Variants in CSMD1 observed in about 807,000 individuals in gnomAD.
CSMD1 encodes the protein CUB and Sushi multiple domains 1.
CSMD1 carries 213 observed loss-of-function variants against 417.5 expected under a neutral mutation model. The observed-to-expected ratio is 0.51, with a 90% CI of 0.46 to 0.57. The LOEUF is 0.57. Ranked by LOEUF, CSMD1 falls within the 20% of genes least tolerant of loss-of-function variation. The pLI is 0.00. For missense variants in CSMD1, 6,923 were observed against 4,529.7 expected, an observed-to-expected ratio of 1.53 and a Z score of -15.17; for synonymous variants, 2,862 against 1,736.8, an observed-to-expected ratio of 1.65 and a Z score of -16.11.
chr8:4,151,526 C>T lies in CSMD1; in HGVS notation c.416-119427G>A, dbSNP rs534869013. The stretch of plus-strand genomic sequence containing the variant: ...CAAATGGAAGATTTTGGTAGTGAAA[C>T]TTTATCATAGACTTATACCATAACA... On this transcript the variant is annotated intron_variant, in intron 3 of 69. Transcript: ENST00000635120. Among the ~76,000 whole-genome samples, 110 of 152,278 alleles carry T rather than the reference C, an allele frequency of 7.2e-4. 1 individual carries two copies. Among genetic ancestry groups the T allele is most frequent in the African/African-American group, 2.5e-3 (105 of 41,546 alleles).
At chr8:3,557,264 G>A (rs1236051500) in intron 10 of CSMD1, among the ~76,000 whole-genome samples, 1 of 152,174 alleles carries the variant, frequency 6.6e-6, no homozygotes, top group Non-Finnish European at 1.5e-5. Flanking sequence ...AGATTTGTGG[G>A]ATTCGTGGCT....
chr8:3,870,599 A>G (rs758111414), intron 5 of CSMD1, among the ~76,000 whole-genome samples: 2 of 152,120 alleles, frequency 1.3e-5, no homozygotes, highest in African/African-American at 2.4e-5. Flanking sequence ...TCTTTCCCCA[A>G]ACTCTTCCAA....
intron 11 of CSMD1, among the ~76,000 whole-genome samples, chr8:3,470,778 T>C (rs1303576866): frequency 6.6e-6 from 1 of 152,232 alleles, no homozygotes; most frequent in East Asian, 1.9e-4. Flanking sequence ...ATCACAGTGT[T>C]TAACAACCTG....
chr8:4,917,718 C>A (rs561111396), intron 1 of CSMD1, among the ~76,000 whole-genome samples: 1 of 152,124 alleles, frequency 6.6e-6, no homozygotes, highest in Non-Finnish European at 1.5e-5. Context: ...TCAGTGGGAA[C>A]CCTAGAATGT....
chr8:3,731,364 G>A (rs568667421), intron 6 of CSMD1, among the ~76,000 whole-genome samples: 4 of 152,328 alleles, frequency 2.6e-5, no homozygotes, highest in Admixed American at 2.0e-4. Flanking sequence ...TTTAGTGGAA[G>A]TTCAGGCTAA....
At position 4,201,681 on chromosome 8, in the gene CSMD1, G is replaced by A. The variant is rs542850296; in HGVS notation, c.416-169582C>T. 8.3e-4 allele frequency among the ~76,000 whole-genome samples: 125 copies of A among 151,270 alleles called. 1 individual carries two copies. Among genetic ancestry groups the A allele is most frequent in the Non-Finnish European group, 1.5e-3 (99 of 67,920 alleles). On this transcript the variant is annotated intron_variant, in intron 3 of 69. Coordinates refer to ENST00000635120, the MANE Select transcript of CSMD1 (RefSeq NM_033225.6). Reference sequence around the variant, plus strand: ...GTTTTCATTTCTATAATTTACTCAAGTGTTATACCTATGTGAGAAAATGAA... The same window carrying A: ...GTTTTCATTTCTATAATTTACTCAAATGTTATACCTATGTGAGAAAATGAA...
chr8:4,101,051 G>A (rs1179077176), intron 3 of CSMD1, among the ~76,000 whole-genome samples: 1 of 152,158 alleles, frequency 6.6e-6, no homozygotes, highest in African/African-American at 2.4e-5. Flanking sequence ...TGCAAAGGCA[G>A]ATGATGCCAG....
intron 3 of CSMD1, among the ~76,000 whole-genome samples, chr8:4,370,473 G>T (rs1363240360): frequency 6.6e-6 from 1 of 152,124 alleles, no homozygotes; most frequent in Non-Finnish European, 1.5e-5. Context: ...TCTTGCATTT[G>T]CATGGCAACT....
chr8:3,816,759 A>C (rs1487104859), intron 5 of CSMD1, among the ~76,000 whole-genome samples: 2 of 152,112 alleles, frequency 1.3e-5, no homozygotes, highest in African/African-American at 4.8e-5. Context: ...ATGCATACCT[A>C]ATGTGTGTCA....
In CSMD1 at chr8:4,647,591, G is replaced by A. The variant is rs1382148874; in HGVS notation, c.86-10033C>T. Among the ~76,000 whole-genome samples, 5 of 152,148 alleles carry A rather than the reference G, an allele frequency of 3.3e-5. No homozygotes were observed. The South Asian group carries it at 1.0e-3, about 32-fold the overall frequency. On this transcript the variant is annotated intron_variant, in intron 1 of 69. Coordinates refer to ENST00000635120, the MANE Select transcript of CSMD1 (RefSeq NM_033225.6). ...ATCCCCCACCCCCCAATATGTCCTGGTGTGTGTTGTTCCCCTCTCTGTATC... is the reference window on the plus strand; with the variant it reads ...ATCCCCCACCCCCCAATATGTCCTGATGTGTGTTGTTCCCCTCTCTGTATC...
chr8:4,399,155 G>T (rs1286033292), intron 3 of CSMD1, among the ~76,000 whole-genome samples: 1 of 152,124 alleles, frequency 6.6e-6, no homozygotes, highest in Non-Finnish European at 1.5e-5. Flanking sequence ...AACTTTGTGT[G>T]ATCAGCATAC....
intron 3 of CSMD1, among the ~76,000 whole-genome samples, chr8:4,290,651 C>T (rs1320447049): frequency 6.6e-6 from 1 of 152,144 alleles, no homozygotes; most frequent in East Asian, 1.9e-4. Flanking sequence ...GAAGTATATT[C>T]ATAATTATGA....
intron 7 of CSMD1, among the ~76,000 whole-genome samples, chr8:3,636,974 GTCTC>G (rs995707495): frequency 2.0e-5 from 3 of 152,036 alleles, no homozygotes; most frequent in South Asian, 2.1e-4. Flanking sequence ...ATGCGAATTT[GTCTC>G]TCTCTCTCTT....
chr8:3,250,204 C>A (rs1181292926), intron 26 of CSMD1, among the ~76,000 whole-genome samples: 1 of 152,160 alleles, frequency 6.6e-6, no homozygotes, highest in Admixed American at 6.5e-5. Flanking sequence ...ACTATCCCTC[C>A]CTGATCCCCC....
chr8:3,709,870 C>T (rs981099399), intron 6 of CSMD1, among the ~76,000 whole-genome samples: 1 of 139,964 alleles, frequency 7.1e-6, no homozygotes, highest in Non-Finnish European at 1.6e-5. Flanking sequence ...TGTGTGTGTA[C>T]ACATGCACAT....
At chr8:4,855,159 C>A (rs1351740304) in intron 1 of CSMD1, among the ~76,000 whole-genome samples, 1 of 150,844 alleles carries the variant, frequency 6.6e-6, no homozygotes, top group Non-Finnish European at 1.5e-5. Context: ...GGCACACTGA[C>A]ACCTCACACG....
At chr8:3,597,235 G>T (rs900216) in intron 8 of CSMD1, among the ~76,000 whole-genome samples, 11,608 of 152,092 alleles carry the variant, frequency 0.076, 645 homozygotes, top group East Asian at 0.22. Context: ...GGGCCCCAGG[G>T]GTACACCCAG....
At chr8:3,698,043 C>T (rs1281563386) in intron 7 of CSMD1, among the ~76,000 whole-genome samples, 2 of 151,872 alleles carry the variant, frequency 1.3e-5, no homozygotes, top group Admixed American at 1.3e-4. Context: ...TTAATAGATC[C>T]TTTTTTTCTG....
intron 5 of CSMD1, among the ~76,000 whole-genome samples, chr8:3,994,489 C>T (rs1815048549): frequency 6.7e-6 from 1 of 148,900 alleles, no homozygotes; most frequent in Non-Finnish European, 1.5e-5. Flanking sequence ...AGTCTCACCA[C>T]TACACAAATC....
Sources: allele counts gnomAD v4.1 joint callset (sites outside exome capture counted in the v4.1 genomes callset), GRCh38; gene constraint gnomAD v4.1.1; transcripts MANE v1.5; gene names NCBI Gene and HGNC (gene_info 2026-07-23, HGNC 2026-07-21).